Variants in LHFPL3 observed in about 807,000 individuals in gnomAD.
LHFPL3 encodes the protein LHFPL tetraspan subfamily member 3 protein.
LHFPL3 carries 5 observed loss-of-function variants against 19.3 expected under a neutral mutation model. The observed-to-expected ratio is 0.26, with a 90% confidence interval of 0.14 to 0.54. The LOEUF (loss-of-function observed/expected upper bound fraction) is 0.54. Among genes scored for constraint, LHFPL3 ranks in the 20% least tolerant of loss-of-function variants. The pLI is 0.94. For missense variants in LHFPL3, 249 were observed against 307.4 expected (o/e 0.81, Z 1.42); for synonymous variants, 133 against 126.2 (o/e 1.05, Z -0.36).
chr7:104,792,682 T>C (rs1230421235), intron 2 of LHFPL3, among the ~76,000 whole-genome samples: 1 of 152,180 alleles, frequency 6.6e-6, no homozygotes, highest in African/African-American at 2.4e-5. Flanking sequence ...ATTCGGTAAC[T>C]TATAGAGCAG....
chr7:104,603,118 C>CTTTCTTTG, intron 1 of LHFPL3, among the ~76,000 whole-genome samples: 1 of 126,792 alleles, frequency 7.9e-6, no homozygotes, highest in African/African-American at 3.0e-5. Flanking sequence ...TTCTTTCTTT[C>CTTTCTTTG]TTTCTTTCTT....
intron 1 of LHFPL3, among the ~76,000 whole-genome samples, chr7:104,358,763 T>G (rs549020442): frequency 1.3e-5 from 2 of 152,338 alleles, no homozygotes; most frequent in South Asian, 2.1e-4. Flanking sequence ...GTTATTGTAC[T>G]GGGGTTCCTG....
At chr7:104,484,558 A>G (rs1412121856) in intron 1 of LHFPL3, among the ~76,000 whole-genome samples, 1 of 152,326 alleles carries the variant, frequency 6.6e-6, no homozygotes, top group South Asian at 2.1e-4. Flanking sequence ...CCTGAGGCAG[A>G]TGAGGCAAAA....
At position 104,567,369 on chromosome 7, in the gene LHFPL3, G is replaced by C. The variant is rs139270674; in HGVS notation, c.446-169306G>C. Among the ~76,000 whole-genome samples, 754 of 152,266 alleles carry C rather than the reference G, an allele frequency of 5.0e-3. 5 individuals carry two copies. Among genetic ancestry groups the C allele is most frequent in the African/African-American group, 0.017 (693 of 41,550 alleles). On this transcript the variant is annotated intron_variant, in intron 1 of 2. Coordinates refer to ENST00000424859, the MANE Select transcript of LHFPL3 (RefSeq NM_199000.3). ...ACTGGCTTGACAGAGACTTCTTCAG[G>C]AGGTGCCAAGGCAGCTTTCATTCAC... is the stretch of plus-strand genomic sequence containing the variant.
At chr7:104,713,601 G>T (rs550720052) in intron 1 of LHFPL3, among the ~76,000 whole-genome samples, 1 of 152,102 alleles carries the variant, frequency 6.6e-6, no homozygotes, top group East Asian at 1.9e-4. Flanking sequence ...GACCCCTCCC[G>T]CAACACTGAG....
At chr7:104,820,545 C>T (rs890238512) in intron 2 of LHFPL3, among the ~76,000 whole-genome samples, 1 of 152,140 alleles carries the variant, frequency 6.6e-6, no homozygotes, top group African/African-American at 2.4e-5. Context: ...TTTGCTGAAG[C>T]TCCCAAGCAG....
chr7:104,370,621 G>T (rs1290616285), intron 1 of LHFPL3, among the ~76,000 whole-genome samples: 1 of 152,188 alleles, frequency 6.6e-6, no homozygotes, highest in African/African-American at 2.4e-5. Context: ...GGTGGCTCAC[G>T]CCTGTAATCC....
intron 2 of LHFPL3, chr7:104,785,443 AC>A: frequency 6.6e-6 from 1 of 151,784 alleles, no homozygotes; most frequent in East Asian, 1.9e-4. Context: ...CCCCAACCCA[AC>A]TCGAAGCTTC....
chr7:104,710,527 CT>C (rs1404216805), intron 1 of LHFPL3, among the ~76,000 whole-genome samples: 1 of 152,248 alleles, frequency 6.6e-6, no homozygotes, highest in East Asian at 1.9e-4. Flanking sequence ...AAAAATTAAA[CT>C]CTGTAATTGT....
At chr7:104,532,309 T>C (rs571604227) in intron 1 of LHFPL3, among the ~76,000 whole-genome samples, 1 of 135,742 alleles carries the variant, frequency 7.4e-6, no homozygotes, top group Non-Finnish European at 1.5e-5. Flanking sequence ...TTTTTCTTTT[T>C]CTTTCTGTCT....
At chr7:104,609,806 G>A (rs1046912016) in intron 1 of LHFPL3, among the ~76,000 whole-genome samples, 3 of 152,116 alleles carry the variant, frequency 2.0e-5, no homozygotes, top group African/African-American at 7.2e-5. Context: ...ATTCTGAGAG[G>A]ATAAAAAGAA....
At chr7:104,623,056 A>G in intron 1 of LHFPL3, 1 of 335,604 alleles carries the variant, frequency 3.0e-6, no homozygotes, top group Non-Finnish European at 6.2e-6. Flanking sequence ...CTTTTCATGT[A>G]TTCATTATTT....
At chr7:104,562,801 A>G (rs1005931922) in intron 1 of LHFPL3, among the ~76,000 whole-genome samples, 2 of 150,790 alleles carry the variant, frequency 1.3e-5, no homozygotes, top group African/African-American at 2.5e-5. Context: ...TTTTTTCCCC[A>G]TCTTTGTGGT....
chr7:104,712,974 C>A (rs1275675755), intron 1 of LHFPL3, among the ~76,000 whole-genome samples: 1 of 152,148 alleles, frequency 6.6e-6, no homozygotes, highest in African/African-American at 2.4e-5. Flanking sequence ...CTTGAAGAGG[C>A]AGAGTGGGCA....
At chr7:104,796,946 T>C (rs1790146370) in intron 2 of LHFPL3, 1 of 152,630 alleles carries the variant, frequency 6.6e-6, no homozygotes, top group South Asian at 2.1e-4. Context: ...TCCCAGAACA[T>C]ATCCTAAAAA....
intron 1 of LHFPL3, among the ~76,000 whole-genome samples, chr7:104,509,956 A>C (rs1354888570): frequency 6.6e-6 from 1 of 152,130 alleles, no homozygotes; most frequent in African/African-American, 2.4e-5. Flanking sequence ...TCAACATGGG[A>C]TATCAAAGTT....
intron 1 of LHFPL3, among the ~76,000 whole-genome samples, chr7:104,719,093 TTTA>T (rs1793441653): frequency 6.6e-6 from 1 of 152,240 alleles, no homozygotes; most frequent in African/African-American, 2.4e-5. Flanking sequence ...TCAGTTGGTA[TTTA>T]TTAAAATTTT....
intron 1 of LHFPL3, among the ~76,000 whole-genome samples, chr7:104,618,849 A>G (rs1791393716): frequency 6.6e-6 from 1 of 152,222 alleles, no homozygotes; most frequent in Admixed American, 6.5e-5. Context: ...TGCTGGGACC[A>G]GGATCCATGT....
intron 1 of LHFPL3, among the ~76,000 whole-genome samples, chr7:104,580,800 T>C (rs1342387224): frequency 6.6e-6 from 1 of 152,106 alleles, no homozygotes; most frequent in Non-Finnish European, 1.5e-5. Flanking sequence ...AATATTACTC[T>C]TTTATGTAAT....
Sources: gnomAD v4.1 joint callset for allele counts (sites outside exome capture counted in the v4.1 genomes callset) on GRCh38, gnomAD v4.1.1 for gene constraint, MANE v1.5 for transcripts, NCBI Gene and HGNC (gene_info 2026-07-23, HGNC 2026-07-21) for gene names.